Variants in SERPINB7 observed in about 807,000 individuals in gnomAD.
SERPINB7 encodes the protein serpin family B member 7.
A neutral mutation model predicts 37.4 loss-of-function variants in SERPINB7; 31 were observed. The observed-to-expected ratio is 0.83, with a 90% CI of 0.62 to 1.12. SERPINB7 has a LOEUF of 1.12. Ranked by LOEUF, SERPINB7 falls within the 50% of genes most tolerant of loss-of-function variation. The pLI is 0.00. For synonymous variants in SERPINB7, 163 were observed against 166.1 expected, an observed-to-expected ratio of 0.98 and a Z score of 0.14; for missense variants, 521 against 455.3, an observed-to-expected ratio of 1.14 and a Z score of -1.31.
chr18:63,779,031 C>A (rs2049277360), intron 1 of SERPINB7, among the ~76,000 whole-genome samples: 1 of 152,086 alleles, frequency 6.6e-6, no homozygotes, highest in African/African-American at 2.4e-5. Flanking sequence ...AAAGAACTTT[C>A]CTGCATTGCC....
intron 7 of SERPINB7, among the ~76,000 whole-genome samples, chr18:63,801,910 A>C (rs1236906994): frequency 6.6e-6 from 1 of 152,204 alleles, no homozygotes; most frequent in Non-Finnish European, 1.5e-5. Flanking sequence ...CTATCTCTAC[A>C]TCGTGGCGGA....
chr18:63,761,827 C>T (rs2049155871), intron 1 of SERPINB7, among the ~76,000 whole-genome samples: 1 of 152,098 alleles, frequency 6.6e-6, no homozygotes, highest in African/African-American at 2.4e-5. Context: ...ACTGTAAGTT[C>T]AATTAAACTT....
chr18:63,783,438 A>G (rs948312686), intron 2 of SERPINB7, among the ~76,000 whole-genome samples: 2 of 152,054 alleles, frequency 1.3e-5, no homozygotes, highest in African/African-American at 4.8e-5. Flanking sequence ...TTGAGATAGG[A>G]GAGTTAGAAG....
At chr18:63,802,867 T>C (rs762381829) in intron 7 of SERPINB7, among the ~76,000 whole-genome samples, 1 of 152,214 alleles carries the variant, frequency 6.6e-6, no homozygotes, top group Non-Finnish European at 1.5e-5. Flanking sequence ...GTTTTCATCT[T>C]AATTATTTTG....
intron 2 of SERPINB7, among the ~76,000 whole-genome samples, chr18:63,783,222 G>GAAAGAAAGAAAGAA (rs1568207779): frequency 1.5e-5 from 1 of 67,284 alleles, no homozygotes; most frequent in African/African-American, 5.7e-5. Context: ...GAGAGAGAGA[G>GAAAGAAAGAAAGAA]AGAGAGAGAG....
chr18:63,753,898 T>C (rs746644341), intron 1 of SERPINB7, among the ~76,000 whole-genome samples: 20 of 152,230 alleles, frequency 1.3e-4, no homozygotes, highest in Non-Finnish European at 5.9e-5. Context: ...AACTCCATCT[T>C]ATAACTGTCT....
chr18:63,804,866 T>C lies in SERPINB7; in HGVS notation c.*231T>C, dbSNP rs2049591315. On this transcript the variant is annotated 3_prime_UTR_variant, in exon 8 of 8. Transcript: ENST00000398019. The stretch of plus-strand genomic sequence containing the variant: ...TGTGTCTCACCCATTTCTAATTTCA[T>C]TGTCTTTCTTCCCACGCTCATTTCT... 1 of 502,522 alleles carries C rather than the reference T, an allele frequency of 2.0e-6. No individual in the cohort carries two copies. The highest frequency in any genetic ancestry group is 3.7e-5 in the Admixed American group (1 of 27,040). The allele number at this position is 502,522 out of a possible 1,614,324, so 31.1% of individuals were successfully genotyped here.
chr18:63,767,095 C>T (rs964996331), intron 1 of SERPINB7, among the ~76,000 whole-genome samples: 7 of 151,990 alleles, frequency 4.6e-5, no homozygotes, highest in African/African-American at 1.7e-4. Context: ...CCAGGCCACT[C>T]TTGCTGGATA....
chr18:63,756,733 C>G (rs186609504), intron 1 of SERPINB7, among the ~76,000 whole-genome samples: 96 of 151,218 alleles, frequency 6.3e-4, no homozygotes, highest in African/African-American at 1.6e-3. Context: ...AGGCCTGGCA[C>G]TTTATTTTCC....
At chr18:63,800,476 A>G (rs1304622825) in intron 6 of SERPINB7, among the ~76,000 whole-genome samples, 1 of 152,170 alleles carries the variant, frequency 6.6e-6, no homozygotes, top group Non-Finnish European at 1.5e-5. Flanking sequence ...ATTACTTATT[A>G]TAGAGACTTT....
chr18:63,764,639 A>G lies in SERPINB7; in HGVS notation c.-19+11519A>G, dbSNP rs938549857. ...ACACTGAAATATACTCTTATTAAACAATTTTAATTGGCAAAAAAAATGGAC... is the reference window on the plus strand; with the variant it reads ...ACACTGAAATATACTCTTATTAAACGATTTTAATTGGCAAAAAAAATGGAC... On this transcript the variant is annotated intron_variant, in intron 1 of 7. Transcript: ENST00000336429. Among the ~76,000 whole-genome samples, 5 of 143,968 alleles carry G rather than the reference A, an allele frequency of 3.5e-5. No individual in the cohort carries two copies. The Admixed American group carries it at 3.6e-4, about 10-fold the overall frequency. The allele number at this position is 143,968 out of a possible 152,430, so 94.4% of individuals were successfully genotyped here.
chr18:63,783,252 A>C (rs1330764980), intron 2 of SERPINB7, among the ~76,000 whole-genome samples: 3 of 139,380 alleles, frequency 2.2e-5, no homozygotes, highest in Non-Finnish European at 4.8e-5. Flanking sequence ...GAAAGAAAGA[A>C]AGAAAGAAAG....
chr18:63,756,702 T>C (rs1444704812), intron 1 of SERPINB7, among the ~76,000 whole-genome samples: 1 of 152,036 alleles, frequency 6.6e-6, no homozygotes, highest in Non-Finnish European at 1.5e-5. Flanking sequence ...TTAATAAGCA[T>C]CTGGATCATC....
chr18:63,805,260 A>G lies in SERPINB7; in HGVS notation c.*625A>G, dbSNP rs972505891. 3 of 152,320 alleles carry G rather than the reference A, an allele frequency of 2.0e-5. No homozygotes were observed. Among genetic ancestry groups the G allele is most frequent in the Non-Finnish European group, 2.9e-5 (2 of 68,146 alleles). 9.4% of individuals were successfully genotyped at this position (152,320 alleles called of 1,614,324 possible). A position where few individuals can be genotyped will look rare whatever the true frequency, so the allele number is the denominator to read the frequency against. Reference sequence around the variant, plus strand: ...GACAATATGTACATAGTTTTTTCAAATATTAAAGATCTTTTAACTGTTGGC... The same window carrying G: ...GACAATATGTACATAGTTTTTTCAAGTATTAAAGATCTTTTAACTGTTGGC... On this transcript the variant is annotated 3_prime_UTR_variant, in exon 8 of 8. Coordinates refer to ENST00000398019, the MANE Select transcript of SERPINB7 (RefSeq NM_003784.4).
At chr18:63,771,087 T>G (rs760554873), upstream of SERPINB7, among the ~76,000 whole-genome samples, 5 of 151,784 alleles carry the variant, frequency 3.3e-5, no homozygotes, top group Non-Finnish European at 5.9e-5. Context: ...GCTTTAGGAA[T>G]GGGGATAATG....
chr18:63,758,988 C>T (rs894934544), intron 1 of SERPINB7, among the ~76,000 whole-genome samples: 1 of 152,202 alleles, frequency 6.6e-6, no homozygotes, highest in Non-Finnish European at 1.5e-5. Context: ...TGTGGACCCA[C>T]TTCTTGGTGA....
At chr18:63,802,036 T>A (rs2049555398) in intron 7 of SERPINB7, among the ~76,000 whole-genome samples, 1 of 152,188 alleles carries the variant, frequency 6.6e-6, no homozygotes, top group Non-Finnish European at 1.5e-5. Context: ...ATAAACTAAA[T>A]TTCTTCCAAA....
chr18:63,796,316 T>C lies in SERPINB7; in HGVS notation c.387T>C (p.Val129=), dbSNP rs775002901. ...EKLYDAKVER[V]DFTNHLEDTR... ...TATACGATGCCAAAGTGGAGCGAGT[T>C]GACTTTACGAATCATTTAGAAGACA... Residue 129 remains valine (V), a synonymous_variant, in exon 5 of 8, where the codon GTT becomes GTC. Transcript: ENST00000398019. 2.5e-6 allele frequency: 4 copies of C among 1,613,464 alleles called. No individual in the cohort carries two copies. Among genetic ancestry groups the C allele is most frequent in the African/African-American group, 1.3e-5 (1 of 75,018 alleles).
chr18:63,766,525 C>A (rs2049181543), intron 1 of SERPINB7, among the ~76,000 whole-genome samples: 1 of 151,306 alleles, frequency 6.6e-6, no homozygotes, highest in South Asian at 2.1e-4. Context: ...ACTTCCTGAA[C>A]TTTCCAGTTC....
Sources: allele counts gnomAD v4.1 joint callset (sites outside exome capture counted in the v4.1 genomes callset), GRCh38; gene constraint gnomAD v4.1.1; transcripts MANE v1.5; gene names NCBI Gene and HGNC (gene_info 2026-07-23, HGNC 2026-07-21).